Variants in SMYD3 observed in about 807,000 individuals in gnomAD.
SMYD3 encodes histone-lysine N-methyltransferase SMYD3.
SMYD3 carries 36 observed loss-of-function variants against 57.7 expected under a neutral mutation model. The observed-to-expected ratio is 0.62, with a 90% confidence interval of 0.48 to 0.82. The LOEUF is 0.82. Among genes scored for constraint, SMYD3 ranks in the 40% least tolerant of loss-of-function variants. The probability of loss-of-function intolerance (pLI) is 0.00; values close to 1 mark genes in which losing one functional copy is unlikely to be tolerated. For missense variants in SMYD3, 515 were observed against 538.8 expected (o/e 0.96, Z 0.44); for synonymous variants, 211 against 195.0 (o/e 1.08, Z -0.68).
At chr1:246,181,842 G>A (rs2062556318) in intron 5 of SMYD3, among the ~76,000 whole-genome samples, 1 of 152,112 alleles carries the variant, frequency 6.6e-6, no homozygotes, top group Admixed American at 6.5e-5. Flanking sequence ...GAGAAGCCAG[G>A]TAGAGAGATT....
intron 1 of SMYD3, among the ~76,000 whole-genome samples, chr1:246,498,173 T>C (rs539946627): frequency 6.6e-6 from 1 of 152,314 alleles, no homozygotes; most frequent in East Asian, 1.9e-4. Context: ...AAATCCCATT[T>C]TGAGGAATCT....
Position 245,928,022 on chromosome 1 carries a change from A to G in SMYD3, c.611T>C (p.Leu204Pro), listed in dbSNP as rs748643391. The change falls in exon 7 of 12, where the codon CTC (leucine) becomes CCC (proline). Residue 204 changes from leucine (L) to proline (P), a missense_variant. Coordinates refer to ENST00000490107, the MANE Select transcript of SMYD3 (RefSeq NM_001167740.2). Reference protein sequence around the residue: ...GVGLYPSISLLNHSCDPNCSI... With the variant: ...GVGLYPSISLPNHSCDPNCSI... ...ACAGTTGGGGTCACAGCTGTGATTG[A>G]GCAAAGAGATACTGGAAAAAAAAAG... 5 of 1,611,464 alleles carry G rather than the reference A, an allele frequency of 3.1e-6. No individual in the cohort carries two copies. The Admixed American group carries it at 8.3e-5, about 27-fold the overall frequency.
At chr1:246,260,885 G>GA (rs1449756087) in intron 5 of SMYD3, among the ~76,000 whole-genome samples, 1 of 152,114 alleles carries the variant, frequency 6.6e-6, no homozygotes, top group Non-Finnish European at 1.5e-5. Context: ...TGTTGAGAGA[G>GA]AAAAAATAAA....
chr1:246,111,819 T>C (rs910053594), intron 5 of SMYD3, among the ~76,000 whole-genome samples: 3 of 152,208 alleles, frequency 2.0e-5, no homozygotes, highest in Non-Finnish European at 4.4e-5. Context: ...GAGGCAGCAA[T>C]AGGTCTGCTC....
intron 5 of SMYD3, among the ~76,000 whole-genome samples, chr1:246,178,167 G>A (rs182314722): frequency 1.2e-4 from 19 of 152,270 alleles, no homozygotes; most frequent in African/African-American, 4.3e-4. Flanking sequence ...CCATAGGATC[G>A]CAACTGTAAA....
At chr1:245,821,050 A>G (rs549564790) in intron 10 of SMYD3, among the ~76,000 whole-genome samples, 6 of 150,914 alleles carry the variant, frequency 4.0e-5, no homozygotes, top group Non-Finnish European at 7.4e-5. Context: ...AAACTACTTT[A>G]AAGTTCATAT....
chr1:246,043,806 G>A (rs1302045238), intron 5 of SMYD3, among the ~76,000 whole-genome samples: 1 of 152,182 alleles, frequency 6.6e-6, no homozygotes, highest in African/African-American at 2.4e-5. Flanking sequence ...CTCTCACAGC[G>A]TGCCTTCCCC....
intron 1 of SMYD3, among the ~76,000 whole-genome samples, chr1:246,377,178 A>G (rs2066293368): frequency 1.3e-5 from 2 of 152,118 alleles, no homozygotes; most frequent in Admixed American, 1.3e-4. Context: ...AAATAACTAA[A>G]TTTTTCAAAA....
intron 1 of SMYD3, among the ~76,000 whole-genome samples, chr1:246,441,098 G>C (rs554903515): frequency 3.7e-4 from 57 of 152,132 alleles, no homozygotes; most frequent in Non-Finnish European, 6.9e-4. Context: ...CCTGCCGTTC[G>C]TAAGTACACG....
chr1:245,826,255 G>A (rs2049485416), intron 10 of SMYD3, among the ~76,000 whole-genome samples: 1 of 151,868 alleles, frequency 6.6e-6, no homozygotes, highest in African/African-American at 2.4e-5. Context: ...GAATTTGCCT[G>A]CTTTAGATAC....
At chr1:245,845,770 A>G (rs1318667139) in intron 10 of SMYD3, among the ~76,000 whole-genome samples, 2 of 152,134 alleles carry the variant, frequency 1.3e-5, no homozygotes, top group South Asian at 4.1e-4. Flanking sequence ...CAGTCTTTTT[A>G]TTGGATTCTC....
intron 5 of SMYD3, among the ~76,000 whole-genome samples, chr1:246,071,837 C>G (rs1052247556): frequency 4.8e-3 from 602 of 124,324 alleles, no homozygotes; most frequent in East Asian, 0.034. Flanking sequence ...TGGATGCTTC[C>G]TGTTAGTTCT....
At chr1:246,184,929 T>C (rs1372865322) in intron 5 of SMYD3, among the ~76,000 whole-genome samples, 1 of 152,190 alleles carries the variant, frequency 6.6e-6, no homozygotes, top group Non-Finnish European at 1.5e-5. Context: ...GGCTCAGACA[T>C]ACCTACCACA....
chr1:245,854,275 G>A (rs2051122572), intron 10 of SMYD3, among the ~76,000 whole-genome samples: 1 of 152,070 alleles, frequency 6.6e-6, no homozygotes, highest in South Asian at 2.1e-4. Context: ...ATTTGGAAAT[G>A]GTTATCCAAA....
chr1:245,766,170 C>T (rs1371060353), intron 10 of SMYD3, among the ~76,000 whole-genome samples: 2 of 151,826 alleles, frequency 1.3e-5, no homozygotes, highest in African/African-American at 2.4e-5. Flanking sequence ...TTTGGGAGGG[C>T]GAGGTGGGCA....
chr1:245,840,849 G>T (rs2148417918), intron 10 of SMYD3, among the ~76,000 whole-genome samples: 1 of 151,998 alleles, frequency 6.6e-6, no homozygotes, highest in Non-Finnish European at 1.5e-5. Flanking sequence ...TTTTAAAAAT[G>T]AGATATAAGG....
chr1:246,246,770 C>CTGCCA (rs1558346387), intron 5 of SMYD3, among the ~76,000 whole-genome samples: 6 of 151,284 alleles, frequency 4.0e-5, no homozygotes, highest in African/African-American at 1.5e-4. Flanking sequence ...GCCCAAATAA[C>CTGCCA]AGTATTTCTG....
chr1:246,240,841 C>T (rs2063596039), intron 5 of SMYD3, among the ~76,000 whole-genome samples: 1 of 151,874 alleles, frequency 6.6e-6, no homozygotes, highest in Non-Finnish European at 1.5e-5. Flanking sequence ...GTATTTTATT[C>T]TCTTTGAAGC....
chr1:245,804,016 G>T (rs1480955088), intron 10 of SMYD3, among the ~76,000 whole-genome samples: 1 of 151,026 alleles, frequency 6.6e-6, no homozygotes, highest in African/African-American at 2.4e-5. Context: ...CGGGTTCAAG[G>T]ATTCTCCTGC....
Sources: gnomAD v4.1 joint callset for allele counts (sites outside exome capture counted in the v4.1 genomes callset) on GRCh38, gnomAD v4.1.1 for gene constraint, MANE v1.5 for transcripts, NCBI Gene and HGNC (gene_info 2026-07-23, HGNC 2026-07-21) for gene names.